FRAS1: variants seen among roughly 807,000 people sequenced by gnomAD.
FRAS1 encodes the protein Fraser extracellular matrix complex subunit 1.
FRAS1 carries 290 observed loss-of-function variants against 435.2 expected under a neutral mutation model. That is an observed-to-expected ratio of 0.67 (90% CI 0.61 to 0.73). The LOEUF is 0.73. Ranked by LOEUF, FRAS1 falls within the 30% of genes least tolerant of loss-of-function variation. The pLI is 0.00. For synonymous variants in FRAS1, 1,800 were observed against 1,851.0 expected (o/e 0.97, Z 0.71); for missense variants, 4,860 against 5,001.5 (o/e 0.97, Z 0.85).
intron 14 of FRAS1, among the ~76,000 whole-genome samples, chr4:78,302,121 T>C (rs1728439866): frequency 6.6e-6 from 1 of 151,500 alleles, no homozygotes; most frequent in South Asian, 2.1e-4. Context: ...TTTTTGTTCT[T>C]GAGATAGTTT....
chr4:78,439,165 TC>T, intron 40 of FRAS1, 101 bp downstream of exon 40: 1 of 968,724 alleles, frequency 1.0e-6, no homozygotes. Flanking sequence ...GCCAAATATT[TC>T]CCCCAAAATA....
intron 32 of FRAS1, among the ~76,000 whole-genome samples, chr4:78,417,555 G>C (rs1733600868): frequency 6.6e-6 from 1 of 152,178 alleles, no homozygotes; most frequent in African/African-American, 2.4e-5. Context: ...TGAGAGACCA[G>C]CTGCTATTCG....
Position 78,337,697 on chromosome 4 carries a change from T to A in FRAS1, c.2302T>A (p.Cys768Ser), listed in dbSNP as rs762500934. The A allele has an allele frequency of 6.2e-7, 1 of 1,613,256 alleles. No individual in the cohort carries two copies. Among genetic ancestry groups the A allele is most frequent in the Non-Finnish European group, 8.5e-7 (1 of 1,179,284 alleles). Residue 768 changes from cysteine (C) to serine (S), a missense_variant, in exon 20 of 74, where the codon TGT (cysteine) becomes AGT (serine). Coordinates refer to ENST00000512123, the MANE Select transcript of FRAS1 (RefSeq NM_025074.7). ...CTECHPTCRQ[C>S]HGPLESDCIS... Reference sequence around the variant, plus strand: ...AGAGTGTCACCCAACCTGCAGGCAGTGTCATGGGCCGTTGGAGTCTGACTG... The same window carrying A: ...AGAGTGTCACCCAACCTGCAGGCAGAGTCATGGGCCGTTGGAGTCTGACTG...
chr4:78,199,488 G>A (rs965550052), intron 2 of FRAS1, among the ~76,000 whole-genome samples: 8 of 152,172 alleles, frequency 5.3e-5, no homozygotes, highest in Admixed American at 3.3e-4. Context: ...GGATACTAAT[G>A]TAAGGCATTT....
intron 19 of FRAS1, among the ~76,000 whole-genome samples, chr4:78,336,602 C>A (rs1730179587): frequency 1.3e-5 from 2 of 151,982 alleles, no homozygotes; most frequent in African/African-American, 4.8e-5. Flanking sequence ...GGTGAGAGTG[C>A]TATCCTTCTA....
intron 23 of FRAS1, among the ~76,000 whole-genome samples, chr4:78,370,557 TCACACAAGGC>T (rs200692267): frequency 0.015 from 2,348 of 152,280 alleles, 58 homozygotes; most frequent in African/African-American, 0.053. Flanking sequence ...TCCCTTTCTA[TCACACAAGGC>T]CTATTCTGAA....
chr4:78,472,018 G>A (rs1248346727), intron 51 of FRAS1, among the ~76,000 whole-genome samples, 162 bp from the exon 52 acceptor site: 3 of 152,174 alleles, frequency 2.0e-5, no homozygotes, highest in Non-Finnish European at 2.9e-5. Flanking sequence ...GCAGAAGCTG[G>A]AATGGTTTTC....
intron 32 of FRAS1, among the ~76,000 whole-genome samples, chr4:78,415,924 A>C (rs951900): frequency 0.24 from 36,339 of 152,000 alleles, 4,664 homozygotes; most frequent in African/African-American, 0.32. Flanking sequence ...AAGAACAATT[A>C]GTGGCATGAG....
intron 2 of FRAS1, among the ~76,000 whole-genome samples, chr4:78,123,240 T>TC (rs1211197949): frequency 6.6e-6 from 1 of 152,220 alleles, no homozygotes; most frequent in Non-Finnish European, 1.5e-5. Context: ...GGGAATCTTT[T>TC]CCCCATTGCT....
chr4:78,456,972 C>G (rs1015714299), intron 47 of FRAS1, among the ~76,000 whole-genome samples: 6 of 152,182 alleles, frequency 3.9e-5, no homozygotes, highest in African/African-American at 1.4e-4. Context: ...AGTCTCACCC[C>G]ACGTGCTTCA....
intron 38 of FRAS1, 119 bp from the exon 39 acceptor site, chr4:78,438,451 C>A: frequency 1.0e-6 from 1 of 968,340 alleles, no homozygotes; most frequent in Non-Finnish European, 1.6e-6. Flanking sequence ...GACTTTAAGA[C>A]AAAGAGAAAG....
chr4:78,416,563 A>T (rs1733563902), intron 32 of FRAS1, among the ~76,000 whole-genome samples: 1 of 151,970 alleles, frequency 6.6e-6, no homozygotes, highest in Non-Finnish European at 1.5e-5. Context: ...CAAGATCAGG[A>T]ATGTACAAGG....
intron 37 of FRAS1, among the ~76,000 whole-genome samples, chr4:78,430,957 AT>A (rs1212905711): frequency 4.1e-4 from 62 of 152,346 alleles, no homozygotes; most frequent in African/African-American, 1.5e-3. Context: ...AAAAAATAAT[AT>A]ATGTTTATTA....
chr4:78,135,619 T>C lies in FRAS1; in HGVS notation c.108+69603T>C, dbSNP rs530230284. On this transcript the variant is annotated intron_variant, in intron 2 of 73. Transcript: ENST00000512123. ...TAGGTCATGTGCAATAATTTCATCATGAGTGCTAGAAGAGTTTTTTATTTG... is the reference window on the plus strand; with the variant it reads ...TAGGTCATGTGCAATAATTTCATCACGAGTGCTAGAAGAGTTTTTTATTTG... 2.6e-5 allele frequency among the ~76,000 whole-genome samples: 4 copies of C among 152,350 alleles called. 1 individual carries two copies. In the South Asian group the frequency reaches 8.3e-4, roughly 32 times the overall value.
intron 2 of FRAS1, among the ~76,000 whole-genome samples, chr4:78,123,503 G>A (rs183821709): frequency 2.0e-5 from 3 of 152,126 alleles, no homozygotes; most frequent in African/African-American, 7.2e-5. Flanking sequence ...GTTTTTTCCA[G>A]TTCTGTGAAG....
At chr4:78,256,488 T>C (rs1254541686) in intron 6 of FRAS1, among the ~76,000 whole-genome samples, 1 of 152,086 alleles carries the variant, frequency 6.6e-6, no homozygotes, top group Non-Finnish European at 1.5e-5. Context: ...TTTGCCACCA[T>C]AACAATAAGG....
At chr4:78,490,823 T>C (rs998961541) in intron 59 of FRAS1, among the ~76,000 whole-genome samples, 2 of 148,850 alleles carry the variant, frequency 1.3e-5, no homozygotes, top group Admixed American at 6.7e-5. Context: ...CTGAAGGAGA[T>C]AGAGACAGGA....
intron 9 of FRAS1, among the ~76,000 whole-genome samples, chr4:78,270,634 T>A (rs1267695308): frequency 6.6e-6 from 1 of 150,956 alleles, no homozygotes; most frequent in African/African-American, 2.4e-5. Context: ...CTGTATGTAT[T>A]TTAGTGGACA....
At chr4:78,380,367 C>T (rs1731966158) in intron 27 of FRAS1, among the ~76,000 whole-genome samples, 2 of 151,948 alleles carry the variant, frequency 1.3e-5, no homozygotes, top group South Asian at 4.2e-4. Context: ...GAGGATGGAG[C>T]ACATTCTTTT....
Sources: gnomAD v4.1 joint callset for allele counts (sites outside exome capture counted in the v4.1 genomes callset) on GRCh38, gnomAD v4.1.1 for gene constraint, MANE v1.5 for transcripts, NCBI Gene and HGNC (gene_info 2026-07-23, HGNC 2026-07-21) for gene names.